Variants in KBTBD11 observed in about 807,000 individuals in gnomAD.
The protein encoded by KBTBD11 is kelch repeat and BTB domain containing 11, also known as kelch repeat and BTB domain-containing protein 11.
For missense variants in KBTBD11, 1,390 were observed against 1,001.8 expected, an observed-to-expected ratio of 1.39 and a Z score of -5.23; for synonymous variants, 747 against 499.0, an observed-to-expected ratio of 1.50 and a Z score of -6.63.
intron 1 of KBTBD11, among the ~76,000 whole-genome samples, chr8:1,989,160 T>C (rs1363708450): frequency 4.6e-5 from 7 of 152,214 alleles, no homozygotes. Context: ...GCTTTATGTT[T>C]GGCTGAATCA....
At chr8:1,974,056 A>AG (rs1284734918) in intron 1 of KBTBD11, 121 bp downstream of exon 1, 34 of 591,308 alleles carry the variant, frequency 5.7e-5, no homozygotes, top group African/African-American at 9.4e-5. Context: ...AGTAGGCGGG[A>AG]GGGGAGAAAA....
chr8:1,981,847 C>T (rs571838378), intron 1 of KBTBD11, among the ~76,000 whole-genome samples: 3 of 152,176 alleles, frequency 2.0e-5, no homozygotes, highest in Non-Finnish European at 4.4e-5. Context: ...TTATTCTATT[C>T]GCTTCCCTGG....
At position 2,002,662 on chromosome 8, in the gene KBTBD11, G is replaced by A; in HGVS notation, c.1470G>A (p.Glu490=). The A allele has an allele frequency of 6.4e-7, 1 of 1,572,798 alleles. No individual in the cohort carries two copies. Among genetic ancestry groups the A allele is most frequent in the Non-Finnish European group, 8.6e-7 (1 of 1,168,428 alleles). ...AGTGCCCGTGCAGCAGCAGCCGCGAGCGCTCGGCCGACATGGTGGCTCTCG... is the reference window on the plus strand; with the variant it reads ...AGTGCCCGTGCAGCAGCAGCCGCGAACGCTCGGCCGACATGGTGGCTCTCG... ...WQECPCSSSR[E]RSADMVALDG... Residue 490 remains glutamate, a synonymous_variant, in exon 2 of 2, where the codon GAG becomes GAA. Transcript: ENST00000320248. The surrounding 1 kb of genome is among the most constrained non-coding windows in gnomAD (Gnocchi z 4.1).
Position 2,002,183 on chromosome 8 carries a change from C to G in KBTBD11, c.991C>G (p.His331Asp). Residue 331 changes from histidine (H) to aspartate (D), a missense_variant, in exon 2 of 2, where the codon CAC (histidine) becomes GAC (aspartate). His to Asp is a moderately conservative substitution (Grantham distance 81). Transcript: ENST00000320248. This position sits in a 1 kb window ranked among gnomAD's most constrained non-coding sequence, Gnocchi z 4.1. The part of the protein sequence containing the change: ...ARGDAAVYCF[H>D]AAAGEWRELT... ...CGGGGACGCGGCCGTCTACTGCTTC[C>G]ACGCGGCGGCCGGAGAGTGGCGCGA... The G allele has an allele frequency of 8.0e-7, 1 of 1,246,924 alleles. No individual in the cohort carries two copies. Among genetic ancestry groups the G allele is most frequent in the Non-Finnish European group, 1.0e-6 (1 of 998,132 alleles). The allele number at this position is 1,246,924 out of a possible 1,614,324, so 77.2% of individuals were successfully genotyped here. A position where few individuals can be genotyped will look rare whatever the true frequency, so the allele number is the denominator to read the frequency against.
At chr8:1,995,199 C>T (rs1467182880) in intron 1 of KBTBD11, among the ~76,000 whole-genome samples, 3 of 151,946 alleles carry the variant, frequency 2.0e-5, no homozygotes, top group Non-Finnish European at 4.4e-5. Flanking sequence ...GTGCTGTAGA[C>T]ACCCTCCCCA....
At chr8:1,983,465 T>G (rs1048502431) in intron 1 of KBTBD11, among the ~76,000 whole-genome samples, 13 of 152,158 alleles carry the variant, frequency 8.5e-5, no homozygotes, top group African/African-American at 3.1e-4. Flanking sequence ...ATTGTCTCGT[T>G]CCCTATTTCC....
At chr8:2,000,194 C>T (rs1817286881) in intron 1 of KBTBD11, 91 bp from the exon 2 acceptor site, 1 of 152,172 alleles carries the variant, frequency 6.6e-6, no homozygotes, top group Non-Finnish European at 1.5e-5. Flanking sequence ...ATAATCTGAA[C>T]GTTGGAGAGG....
intron 1 of KBTBD11, among the ~76,000 whole-genome samples, chr8:1,995,700 C>G (rs970157315): frequency 1.3e-5 from 2 of 152,070 alleles, no homozygotes; most frequent in African/African-American, 4.8e-5. Flanking sequence ...TTTGTAACAG[C>G]AGTTGAAAGT....
chr8:1,997,833 T>C (rs1817200284), intron 1 of KBTBD11, among the ~76,000 whole-genome samples: 1 of 152,172 alleles, frequency 6.6e-6, no homozygotes, highest in Non-Finnish European at 1.5e-5. Flanking sequence ...CCAACTTGCT[T>C]TGTAATGTGA....
intron 1 of KBTBD11, among the ~76,000 whole-genome samples, chr8:1,992,203 C>T (rs1340267794): frequency 6.6e-6 from 1 of 152,130 alleles, no homozygotes; most frequent in Non-Finnish European, 1.5e-5. Context: ...GGGTGAGTTT[C>T]CTCATCCCTG....
Position 2,002,403 on chromosome 8 carries a change from A to T in KBTBD11, c.1211A>T (p.Gln404Leu). 3 of 1,481,078 alleles carry T rather than the reference A, an allele frequency of 2.0e-6. No individual in the cohort carries two copies. Among genetic ancestry groups the T allele is most frequent in the African/African-American group, 1.5e-5 (1 of 68,190 alleles). The allele number at this position is 1,481,078 out of a possible 1,614,324, so 91.7% of individuals were successfully genotyped here. A position where few individuals can be genotyped will look rare whatever the true frequency, so the allele number is the denominator to read the frequency against. Reference sequence around the variant, plus strand: ...AGGCCCCTGCGCCAGGCGCGCTCGCAGCTGCGGCTGCTGGCCCTGGACGGT... The same window carrying T: ...AGGCCCCTGCGCCAGGCGCGCTCGCTGCTGCGGCTGCTGGCCCTGGACGGT... ...AVRPLRQARSQLRLLALDGHL... is the reference protein window; with the variant it reads ...AVRPLRQARSLLRLLALDGHL... Residue 404 changes from glutamine (Q) to leucine (L), a missense_variant, in exon 2 of 2, where the codon CAG (glutamine) becomes CTG (leucine). Transcript: ENST00000320248. This position sits in a 1 kb window ranked among gnomAD's most constrained non-coding sequence, Gnocchi z 4.1.
At chr8:1,984,533 C>T (rs1190833454) in intron 1 of KBTBD11, among the ~76,000 whole-genome samples, 9 of 152,012 alleles carry the variant, frequency 5.9e-5, no homozygotes, top group South Asian at 2.1e-4. Context: ...GCGATCCCCC[C>T]GCCTCAGCCT....
Position 1,989,925 on chromosome 8 carries a change from T to A in KBTBD11, c.-908-10360T>A, listed in dbSNP as rs868666546. Reference sequence around the variant, plus strand: ...AACAGATAACGATGTCTCAGGTGGTTTTTTTTTTTTTTTTTTTTTTTTTTG... The same window carrying A: ...AACAGATAACGATGTCTCAGGTGGTATTTTTTTTTTTTTTTTTTTTTTTTG... On this transcript the variant is annotated intron_variant, in intron 1 of 1. Coordinates refer to ENST00000320248, the MANE Select transcript of KBTBD11 (RefSeq NM_014867.3). Among the ~76,000 whole-genome samples, 6 of 64,228 alleles carry A rather than the reference T, an allele frequency of 9.3e-5. No individual in the cohort carries two copies. In the Middle Eastern group the frequency reaches 0.02, roughly 211 times the overall value. 42.1% of individuals were successfully genotyped at this position (64,228 alleles called of 152,430 possible).
intron 1 of KBTBD11, chr8:1,974,559 G>A (rs530646634): frequency 3.0e-6 from 3 of 985,084 alleles, no homozygotes; most frequent in Admixed American, 6.2e-5. Context: ...CGGGGTGCGG[G>A]GGTGTCCTGG....
intron 1 of KBTBD11, among the ~76,000 whole-genome samples, chr8:1,975,717 A>T (rs1423742803): frequency 6.6e-6 from 1 of 152,228 alleles, no homozygotes; most frequent in Non-Finnish European, 1.5e-5. Context: ...TGGCTCTGAG[A>T]CTAAAGAAAT....
intron 1 of KBTBD11, chr8:1,976,282 AGTTT>A (rs894091553): frequency 6.6e-6 from 1 of 151,466 alleles, no homozygotes; most frequent in Non-Finnish European, 1.5e-5. Context: ...TGTGGTCTTG[AGTTT>A]GTTTTTTTTT....
chr8:1,991,994 G>A (rs1353863726), intron 1 of KBTBD11, among the ~76,000 whole-genome samples: 1 of 152,116 alleles, frequency 6.6e-6, no homozygotes, highest in Non-Finnish European at 1.5e-5. Context: ...AAGTGCCAGA[G>A]ATGGGAGGTC....
chr8:1,976,921 T>C (rs1052179910), intron 1 of KBTBD11, among the ~76,000 whole-genome samples: 5 of 152,072 alleles, frequency 3.3e-5, no homozygotes, highest in African/African-American at 1.2e-4. Flanking sequence ...CAGGGTGTAG[T>C]AAAAGTGTAA....
chr8:1,991,587 A>G (rs1280090739), intron 1 of KBTBD11, among the ~76,000 whole-genome samples: 2 of 151,312 alleles, frequency 1.3e-5, no homozygotes, highest in South Asian at 4.1e-4. Flanking sequence ...ATCAGCCCAG[A>G]GGCCCGTGCA....
Sources: gnomAD v4.1 joint callset for allele counts (sites outside exome capture counted in the v4.1 genomes callset) on GRCh38, gnomAD v4.1.1 for gene constraint, Gnocchi (gnomAD v3.1) non-coding constraint, MANE v1.5 for transcripts, NCBI Gene and HGNC (gene_info 2026-07-23, HGNC 2026-07-21) for gene names.